PLD5: variants seen among roughly 807,000 people sequenced by gnomAD.
The protein encoded by PLD5 is phospholipase D family member 5, also known as inactive phospholipase D5.
In PLD5, 36 loss-of-function variants were observed where a neutral mutation model predicts 61.1. The observed-to-expected ratio is 0.59, with a 90% CI of 0.45 to 0.78. The LOEUF (loss-of-function observed/expected upper bound fraction) is 0.78. Among genes scored for constraint, PLD5 ranks in the 30% least tolerant of loss-of-function variants. PLD5 has a pLI of 0.00. For synonymous variants in PLD5, 243 were observed against 242.8 expected, an observed-to-expected ratio of 1.00 and a Z score of -0.01; for missense variants, 515 against 644.4, an observed-to-expected ratio of 0.80 and a Z score of 2.17.
intron 9 of PLD5, among the ~76,000 whole-genome samples, chr1:242,091,133 C>T (rs1292087356): frequency 6.6e-6 from 1 of 152,064 alleles, no homozygotes; most frequent in South Asian, 2.1e-4. Context: ...TTTACAAGGA[C>T]ACCGGTCATA....
At chr1:242,443,926 A>G (rs558140553) in intron 1 of PLD5, among the ~76,000 whole-genome samples, 36 of 152,250 alleles carry the variant, frequency 2.4e-4, no homozygotes, top group Middle Eastern at 6.8e-3. Flanking sequence ...CACCACATCA[A>G]TGGTATTTTC....
chr1:242,215,902 C>T (rs1670160874), intron 5 of PLD5, among the ~76,000 whole-genome samples: 1 of 152,172 alleles, frequency 6.6e-6, no homozygotes, highest in Admixed American at 6.5e-5. Context: ...GCTACCTGTA[C>T]CTGCTACACT....
At chr1:242,436,294 T>C (rs1460527464) in intron 1 of PLD5, among the ~76,000 whole-genome samples, 1 of 152,200 alleles carries the variant, frequency 6.6e-6, no homozygotes, top group Non-Finnish European at 1.5e-5. Context: ...ATGGCATTCA[T>C]TCCACTTGGA....
intron 1 of PLD5, among the ~76,000 whole-genome samples, chr1:242,422,437 A>C (rs748733237): frequency 6.6e-6 from 1 of 152,220 alleles, no homozygotes; most frequent in Non-Finnish European, 1.5e-5. Context: ...ATGCATAGCC[A>C]ACTATAATAA....
chr1:242,135,116 T>C (rs1366072266), intron 5 of PLD5, among the ~76,000 whole-genome samples: 1 of 152,218 alleles, frequency 6.6e-6, no homozygotes, highest in Non-Finnish European at 1.5e-5. Flanking sequence ...ATGAAATGCA[T>C]ACGGTTGTTG....
intron 3 of PLD5, among the ~76,000 whole-genome samples, chr1:242,280,059 T>C (rs1674635831): frequency 6.6e-6 from 1 of 152,230 alleles, no homozygotes; most frequent in Non-Finnish European, 1.5e-5. Flanking sequence ...CCATTCTTTA[T>C]TGTTTTACAA....
chr1:242,485,864 G>A (rs1667941678), intron 1 of PLD5, among the ~76,000 whole-genome samples: 1 of 152,178 alleles, frequency 6.6e-6, no homozygotes. Context: ...TACCAAAACA[G>A]AGATATAGAC....
intron 5 of PLD5, among the ~76,000 whole-genome samples, chr1:242,187,697 A>G (rs964057807): frequency 2.6e-5 from 4 of 152,180 alleles, no homozygotes; most frequent in Admixed American, 2.6e-4. Context: ...AGCCATTATA[A>G]ATAAATCTCC....
At chr1:242,474,169 T>C (rs1667520344) in intron 1 of PLD5, among the ~76,000 whole-genome samples, 1 of 152,224 alleles carries the variant, frequency 6.6e-6, no homozygotes, top group Non-Finnish European at 1.5e-5. Context: ...GTGTTTGCCA[T>C]TACTTGCAAT....
At chr1:242,182,322 T>G (rs190543559) in intron 5 of PLD5, among the ~76,000 whole-genome samples, 155 of 152,194 alleles carry the variant, frequency 1.0e-3, no homozygotes, top group Non-Finnish European at 2.0e-3. Context: ...AAAGAAATTT[T>G]TTTTTAGTTT....
intron 2 of PLD5, among the ~76,000 whole-genome samples, chr1:242,299,050 T>C (rs965729429): frequency 6.6e-6 from 1 of 152,096 alleles, no homozygotes; most frequent in Non-Finnish European, 1.5e-5. Context: ...GGTTACAACT[T>C]ATAAGGCAGT....
At chr1:242,489,877 G>T (rs1668086594) in intron 1 of PLD5, among the ~76,000 whole-genome samples, 1 of 152,226 alleles carries the variant, frequency 6.6e-6, no homozygotes, top group Admixed American at 6.5e-5. Context: ...TGTGGAGGAT[G>T]CACTGGTAAT....
intron 2 of PLD5, among the ~76,000 whole-genome samples, chr1:242,311,888 C>T (rs2149174657): frequency 6.8e-6 from 1 of 147,526 alleles, no homozygotes; most frequent in African/African-American, 2.5e-5. Context: ...AGGCTCTGTT[C>T]ATTTTTTTGT....
intron 3 of PLD5, among the ~76,000 whole-genome samples, chr1:242,280,078 T>C (rs1208199082): frequency 1.3e-5 from 2 of 152,220 alleles, no homozygotes; most frequent in African/African-American, 2.4e-5. Context: ...AAATATTATC[T>C]AATTGAATTC....
chr1:242,260,918 T>G (rs544850151), intron 4 of PLD5, among the ~76,000 whole-genome samples: 1 of 152,242 alleles, frequency 6.6e-6, no homozygotes, highest in South Asian at 2.1e-4. Flanking sequence ...GGAAATATTG[T>G]AGCTTTGCTA....
At position 242,168,475 on chromosome 1, in the gene PLD5, A is replaced by T. The variant is rs899848814; in HGVS notation, c.736-43810T>A. On this transcript the variant is annotated intron_variant, in intron 5 of 9. Coordinates refer to ENST00000536534, the MANE Select transcript of PLD5 (RefSeq NM_001372062.1). ...ATAGTAATAAGTAAGAATATATATAATAATTCCTTATTAAACAGCACAAAT... is the reference window on the plus strand; with the variant it reads ...ATAGTAATAAGTAAGAATATATATATTAATTCCTTATTAAACAGCACAAAT... 4.2e-4 allele frequency among the ~76,000 whole-genome samples: 64 copies of T among 152,194 alleles called. 1 individual carries two copies. The highest frequency in any genetic ancestry group is 4.1e-3 in the Admixed American group (62 of 15,280).
At chr1:242,195,953 G>T (rs761978920) in intron 5 of PLD5, among the ~76,000 whole-genome samples, 8 of 152,178 alleles carry the variant, frequency 5.3e-5, no homozygotes, top group Non-Finnish European at 1.2e-4. Context: ...CTGAAGAGAA[G>T]AGGGGTCATG....
At chr1:242,330,305 TG>T (rs1005340445) in intron 2 of PLD5, among the ~76,000 whole-genome samples, 2 of 152,228 alleles carry the variant, frequency 1.3e-5, no homozygotes, top group African/African-American at 4.8e-5. Context: ...GACCTTCACA[TG>T]GTGGTCACAA....
At chr1:242,503,686 A>G (rs765021417) in intron 1 of PLD5, among the ~76,000 whole-genome samples, 1 of 152,158 alleles carries the variant, frequency 6.6e-6, no homozygotes, top group African/African-American at 2.4e-5. Context: ...TCTTTGGCCA[A>G]TGATGGTGAG....
Sources: allele counts gnomAD v4.1 joint callset (sites outside exome capture counted in the v4.1 genomes callset), GRCh38; gene constraint gnomAD v4.1.1; transcripts MANE v1.5; gene names NCBI Gene and HGNC (gene_info 2026-07-23, HGNC 2026-07-21).